The following CKLF variants were observed in gnomAD, a reference collection of about 807,000 sequenced individuals.
The protein encoded by CKLF is chemokine-like factor.
Under a neutral mutation model 12.9 loss-of-function variants are expected in CKLF, and 16 were observed. That is an observed-to-expected ratio of 1.24 (90% confidence interval 0.84 to 1.88). The LOEUF is 1.88. CKLF is among the 40% of genes most tolerant of loss of function. The pLI is 0.00. For synonymous variants in CKLF, 61 were observed against 69.0 expected (o/e 0.88, Z 0.57); for missense variants, 172 against 188.5 (o/e 0.91, Z 0.51).
Position 66,552,790 on chromosome 16 carries a change from G to A in CKLF, c.75G>A (p.Arg25=). 1.2e-6 allele frequency: 2 copies of A among 1,614,026 alleles called. No homozygotes were observed. The highest frequency in any genetic ancestry group is 1.7e-6 in the Non-Finnish European group (2 of 1,179,922). Residue 25 remains arginine, a synonymous_variant, in exon 1 of 4, where the codon CGG becomes CGA. Coordinates refer to ENST00000264001, the MANE Select transcript of CKLF (RefSeq NM_016951.4). ...TGAAAGGCCACGTGAAGATGCTGCGGCTGGTGAGGCCGGGCCGCGGAGGGC... is the reference window on the plus strand; with the variant it reads ...TGAAAGGCCACGTGAAGATGCTGCGACTGGTGAGGCCGGGCCGCGGAGGGC... ...FSVKGHVKML[R]LALTVTSMTF...
intron 1 of CKLF, among the ~76,000 whole-genome samples, chr16:66,557,867 CAGAG>C (rs763983938): frequency 1.3e-5 from 2 of 152,140 alleles, no homozygotes; most frequent in Non-Finnish European, 2.9e-5. Flanking sequence ...GGACTTAAAA[CAGAG>C]AGGAATACCC....
chr16:66,559,714 A>G (rs947350603), intron 2 of CKLF, among the ~76,000 whole-genome samples: 1 of 152,198 alleles, frequency 6.6e-6, no homozygotes, highest in Non-Finnish European at 1.5e-5. Context: ...ACACTGAGAG[A>G]GAGTAGCTTA....
intron 3 of CKLF, among the ~76,000 whole-genome samples, chr16:66,563,575 C>T (rs1386833636): frequency 6.6e-6 from 1 of 152,184 alleles, no homozygotes; most frequent in Non-Finnish European, 1.5e-5. Context: ...TTTCATAGCT[C>T]TCCCTTTTAC....
At position 66,563,217 on chromosome 16, in the gene CKLF, G is replaced by T. The variant is rs1056817258; in HGVS notation, c.333G>T (p.Gly111=). The part of the protein sequence containing the change: ...PETTTLTVGG[G]VFALVTAVCC... ...CCACAACATTGACAGTTGGTGGAGG[G>T]GTAAGTGGAAGTCTTTCTGCTTGCT... The change falls in exon 3 of 4, where the codon GGG becomes GGT. Residue 111 remains glycine, a splice_region_variant and synonymous_variant. Transcript: ENST00000264001. The T allele has an allele frequency of 6.2e-7, 1 of 1,612,572 alleles. No individual in the cohort carries two copies. The highest frequency in any genetic ancestry group is 8.5e-7 in the Non-Finnish European group (1 of 1,179,674).
At chr16:66,554,691 G>T (rs2011346158) in intron 1 of CKLF, among the ~76,000 whole-genome samples, 1 of 152,228 alleles carries the variant, frequency 6.6e-6, no homozygotes. Context: ...GAGAAAAGTT[G>T]CGTAATGAAT....
chr16:66,552,616 G>T lies in CKLF; in HGVS notation c.-100G>T, dbSNP rs900162798. On this transcript the variant is annotated 5_prime_UTR_variant, in exon 1 of 4. Coordinates refer to ENST00000264001, the MANE Select transcript of CKLF (RefSeq NM_016951.4). ...TGGGCGAGAAGTAGGGGAGGGCGGT[G>T]CTCCGCCGCGGTGGCGGTTGCTATC... The T allele has an allele frequency of 8.2e-6, 13 of 1,579,662 alleles. No homozygotes were observed. The highest frequency in any genetic ancestry group is 2.2e-5 in the East Asian group (1 of 44,596).
chr16:66,565,752 T>C, intron 3 of CKLF, 134 bp from the exon 4 acceptor site: 2 of 754,438 alleles, frequency 2.7e-6, no homozygotes, highest in Non-Finnish European at 2.3e-6. Context: ...TCCATGTTAG[T>C]ATTAGATGAA....
intron 1 of CKLF, among the ~76,000 whole-genome samples, chr16:66,555,525 A>G (rs2011404820): frequency 6.6e-6 from 1 of 152,246 alleles, no homozygotes; most frequent in African/African-American, 2.4e-5. Flanking sequence ...AACTGGAAGG[A>G]TGGAGTCACC....
intron 3 of CKLF, among the ~76,000 whole-genome samples, chr16:66,564,695 C>T (rs2012049170): frequency 2.0e-5 from 3 of 152,220 alleles, no homozygotes; most frequent in African/African-American, 7.2e-5. Context: ...TGGTCTCGAT[C>T]TTCCGACGTC....
At position 66,565,869 on chromosome 16, in the gene CKLF, C is replaced by T; in HGVS notation, c.334-17C>T. The stretch of plus-strand genomic sequence containing the variant: ...GGGGACCATGGTTAGGGCAGTGACA[C>T]TTGTCTTTCTTTCCAGGTGTTTGCA... On this transcript the variant is annotated splice_polypyrimidine_tract_variant and intron_variant, in intron 3 of 3. Transcript: ENST00000264001. The T allele has an allele frequency of 1.9e-6, 3 of 1,613,254 alleles. No individual in the cohort carries two copies. The highest frequency in any genetic ancestry group is 8.5e-7 in the Non-Finnish European group (1 of 1,179,620).
chr16:66,559,072 C>T (rs1330619461), intron 2 of CKLF, among the ~76,000 whole-genome samples: 1 of 152,154 alleles, frequency 6.6e-6, no homozygotes, highest in African/African-American at 2.4e-5. Context: ...TCATTCCCAG[C>T]ATCCTGTCTC....
intron 2 of CKLF, among the ~76,000 whole-genome samples, chr16:66,561,885 C>G (rs1468263622): frequency 1.3e-5 from 2 of 152,142 alleles, no homozygotes; most frequent in Non-Finnish European, 2.9e-5. Flanking sequence ...CGCTACACAT[C>G]CATTTTAAAA....
At chr16:66,566,112 A>G, downstream of CKLF, 1 of 1,610,998 alleles carries the variant, frequency 6.2e-7, no homozygotes, top group Non-Finnish European at 8.5e-7. This position sits in a 1 kb window ranked among gnomAD's most constrained non-coding sequence, Gnocchi z 4.9. Flanking sequence ...GAGCTAGAGG[A>G]AGAGATTTCC....
At chr16:66,563,064 C>G (rs751067552) in intron 2 of CKLF, 58 bp from the exon 3 acceptor site, 1 of 1,599,490 alleles carries the variant, frequency 6.3e-7, no homozygotes, top group African/African-American at 1.3e-5. Flanking sequence ...TTTGTTTTTC[C>G]TTTTTAGCAT....
At chr16:66,566,274 G>A (rs2012304104), downstream of CKLF, 3 of 1,449,060 alleles carry the variant, frequency 2.1e-6, no homozygotes, top group Non-Finnish European at 1.8e-6. The surrounding 1 kb of genome is among the most constrained non-coding windows in gnomAD (Gnocchi z 4.9). Flanking sequence ...CTGCCTGGCT[G>A]GCCGGCAGCT....
intron 2 of CKLF, among the ~76,000 whole-genome samples, chr16:66,560,721 G>C (rs539442576): frequency 1.3e-5 from 2 of 151,996 alleles, no homozygotes; most frequent in South Asian, 4.2e-4. Context: ...GAGCACCCAA[G>C]TGTGACTGGT....
chr16:66,565,027 G>A lies in CKLF; in HGVS notation c.334-859G>A, dbSNP rs16956722. Among the ~76,000 whole-genome samples the A allele has an allele frequency of 4.3e-3, 652 of 151,862 alleles. 2 individuals are homozygous for A. Among genetic ancestry groups the A allele is most frequent in the African/African-American group, 0.015 (607 of 41,412 alleles). ...GAATTGCTGTTTGCTGAGAATAAAG[G>A]AAAAAAAATGGAAAAGGTTCCAGGT... On this transcript the variant is annotated intron_variant, in intron 3 of 3. Transcript: ENST00000264001.
Position 66,563,692 on chromosome 16 carries a change from A to T in CKLF, c.333+475A>T, listed in dbSNP as rs367621530. On this transcript the variant is annotated intron_variant, in intron 3 of 3. Coordinates refer to ENST00000264001, the MANE Select transcript of CKLF (RefSeq NM_016951.4). ...ATATAATAGATGATGTCCTTACGGTAAGAGAACATTGGCAGGGCACCTTGC... is the reference window on the plus strand; with the variant it reads ...ATATAATAGATGATGTCCTTACGGTTAGAGAACATTGGCAGGGCACCTTGC... Among the ~76,000 whole-genome samples, 44 of 152,334 alleles carry T rather than the reference A, an allele frequency of 2.9e-4. No homozygotes were observed. The East Asian group carries it at 4.8e-3, about 17-fold the overall frequency.
intron 2 of CKLF, among the ~76,000 whole-genome samples, chr16:66,560,420 G>C (rs761547545): frequency 6.6e-6 from 1 of 152,096 alleles, no homozygotes; most frequent in Non-Finnish European, 1.5e-5. Context: ...TGTCTTGAGA[G>C]GATACTGAGA....
Sources: allele counts gnomAD v4.1 joint callset (sites outside exome capture counted in the v4.1 genomes callset), GRCh38; gene constraint gnomAD v4.1.1; non-coding constraint Gnocchi (gnomAD v3.1); transcripts MANE v1.5; gene names NCBI Gene and HGNC (gene_info 2026-07-23, HGNC 2026-07-21).